The following ADAM9 variants were observed in gnomAD, a reference collection of about 807,000 sequenced individuals.
The protein encoded by ADAM9 is ADAM metallopeptidase domain 9, also known as disintegrin and metalloproteinase domain-containing protein 9.
In ADAM9, 54 loss-of-function variants were observed where a neutral mutation model predicts 108.1. The ratio of observed to expected loss-of-function variants is 0.50; its 90% CI spans 0.40 to 0.63. The LOEUF is 0.63. ADAM9 is among the 20% of genes least tolerant of loss of function. The pLI, the probability that ADAM9 is intolerant of heterozygous loss-of-function variation, is 0.00. For synonymous variants in ADAM9, 316 were observed against 336.0 expected, an observed-to-expected ratio of 0.94 and a Z score of 0.65; for missense variants, 830 against 997.7, an observed-to-expected ratio of 0.83 and a Z score of 2.26.
intron 12 of ADAM9, among the ~76,000 whole-genome samples, chr8:39,045,295 C>CAT (rs1333050486): frequency 1.1e-4 from 11 of 103,154 alleles, no homozygotes; most frequent in Non-Finnish European, 1.8e-4. Context: ...TGTGTGTGTA[C>CAT]ACCTATACAT....
intron 11 of ADAM9, among the ~76,000 whole-genome samples, chr8:39,035,877 A>G (rs1391472536): frequency 2.6e-5 from 4 of 152,256 alleles, no homozygotes; most frequent in Middle Eastern, 3.4e-3. Flanking sequence ...GGATGAGGTT[A>G]TCCTAGGTAA....
chr8:39,095,190 G>A (rs565409002), intron 20 of ADAM9, among the ~76,000 whole-genome samples: 2 of 152,142 alleles, frequency 1.3e-5, no homozygotes, highest in South Asian at 2.1e-4. Flanking sequence ...AGCCCAATCT[G>A]CCTATACTCA....
chr8:39,000,912 A>T (rs10106085), intron 1 of ADAM9, among the ~76,000 whole-genome samples: 56,876 of 152,046 alleles, frequency 0.37, 11,184 homozygotes, highest in African/African-American at 0.51. Flanking sequence ...AAAGAAAATG[A>T]TATCACCCCC....
chr8:39,067,550 G>A (rs1288928578), intron 14 of ADAM9, among the ~76,000 whole-genome samples: 1 of 152,096 alleles, frequency 6.6e-6, no homozygotes, highest in East Asian at 1.9e-4. Context: ...TTGGCTCTCT[G>A]TTATTGGTGT....
Position 39,103,674 on chromosome 8 carries a change from C to T in ADAM9, c.2434C>T (p.Pro812Ser), listed in dbSNP as rs1458697930. ...NLIPARPAPA[P>S]PLYSSLT ...AATTCCTGCCCGTCCTGCTCCTGCA[C>T]CTCCTTTATATAGTTCCCTCACTTG... Residue 812 changes from proline to serine, a missense_variant, in exon 22 of 22, where the codon CCT becomes TCT. Pro to Ser is a moderately conservative substitution (Grantham distance 74). Transcript: ENST00000487273. 1.9e-6 allele frequency: 3 copies of T among 1,614,088 alleles called. No homozygotes were observed. The highest frequency in any genetic ancestry group is 1.3e-5 in the African/African-American group (1 of 75,032).
rs1458371374 is a variant in ADAM9, at chr8:39,077,398, G to A, written c.1868G>A (p.Cys623Tyr). ...DPGMVNEGTK[C>Y]GAGKICRNFQ... ...GGGATGGTTAACGAAGGCACAAAAT[G>A]TGGTGCTGGAAAGGTAATCAAAATA... Residue 623 changes from cysteine (C) to tyrosine (Y), a missense_variant, in exon 16 of 22, where the codon TGT becomes TAT. Physicochemically the swap from Cys to Tyr is radical, Grantham distance 194 (BLOSUM62 -2). Transcript: ENST00000487273. 1.2e-5 allele frequency: 19 copies of A among 1,613,170 alleles called. No homozygotes were observed. Among genetic ancestry groups the A allele is most frequent in the Non-Finnish European group, 1.6e-5 (19 of 1,179,466 alleles).
Position 39,016,136 on chromosome 8 carries a change from G to A in ADAM9, c.352G>A (p.Gly118Ser), listed in dbSNP as rs1836517485. 6.2e-7 allele frequency: 1 copy of A among 1,613,688 alleles called. No homozygotes were observed. ...CATTTAGAATCATTGTCATTATCGG[G>A]GCTATGTGGAGGGAGTTCATAATTC... ...PNIQNHCHYR[G>S]YVEGVHNSSI... is the part of the protein sequence containing the mutation. Residue 118 changes from glycine to serine, a missense_variant, in exon 5 of 22, where the codon GGC (glycine) becomes AGC (serine). By Grantham distance (56) the Gly-to-Ser change is moderately conservative. Coordinates refer to ENST00000487273, the MANE Select transcript of ADAM9 (RefSeq NM_003816.3).
intron 11 of ADAM9, among the ~76,000 whole-genome samples, chr8:39,030,290 A>G (rs573407887): frequency 6.6e-6 from 1 of 152,218 alleles, no homozygotes; most frequent in South Asian, 2.1e-4. Context: ...GCAACCACTA[A>G]TCTTTTTACT....
At chr8:39,083,652 TC>T (rs959068784) in intron 18 of ADAM9, among the ~76,000 whole-genome samples, 7 of 152,208 alleles carry the variant, frequency 4.6e-5, no homozygotes, top group African/African-American at 1.7e-4. Flanking sequence ...AAAGAAAGTT[TC>T]CCCTGGCTGC....
At chr8:39,082,161 C>T (rs1839044518) in intron 16 of ADAM9, among the ~76,000 whole-genome samples, 1 of 151,992 alleles carries the variant, frequency 6.6e-6, no homozygotes, top group Non-Finnish European at 1.5e-5. Flanking sequence ...CAACAAAGTA[C>T]CCTTTTATTT....
At chr8:39,045,678 G>A (rs932070971) in intron 12 of ADAM9, among the ~76,000 whole-genome samples, 2 of 151,910 alleles carry the variant, frequency 1.3e-5, no homozygotes, top group Admixed American at 1.3e-4. Context: ...ATGAGCATAT[G>A]AGTGCAGATA....
Position 39,105,005 on chromosome 8 carries a change from T to A in ADAM9, c.*1305T>A, listed in dbSNP as rs1364820077. On this transcript the variant is annotated 3_prime_UTR_variant, in exon 22 of 22. Transcript: ENST00000487273. ...AAATAAAATACTTGAAATTCTCTTT[T>A]GTGTCTCCTAGTAGCTTCCTACTCA... is the stretch of plus-strand genomic sequence containing the variant. 5 of 429,586 alleles carry A rather than the reference T, an allele frequency of 1.2e-5. No individual in the cohort carries two copies. Among genetic ancestry groups the A allele is most frequent in the African/African-American group, 2.1e-5 (1 of 48,498 alleles). The allele number at this position is 429,586 out of a possible 1,614,324, so 26.6% of individuals were successfully genotyped here.
In ADAM9 at chr8:39,104,069, C is replaced by T; in HGVS notation, c.*369C>T. On this transcript the variant is annotated 3_prime_UTR_variant, in exon 22 of 22. Transcript: ENST00000487273. Reference sequence around the variant, plus strand: ...GTGTTTAAGTGTTATTCTGAATTTTCTACCTTAGTTATCATTAATGTAGTT... The same window carrying T: ...GTGTTTAAGTGTTATTCTGAATTTTTTACCTTAGTTATCATTAATGTAGTT... The T allele has an allele frequency of 2.1e-6, 1 of 467,126 alleles. No homozygotes were observed. Among genetic ancestry groups the T allele is most frequent in the Non-Finnish European group, 4.2e-6 (1 of 235,838 alleles). 28.9% of individuals were successfully genotyped at this position (467,126 alleles called of 1,614,324 possible). A position where few individuals can be genotyped will look rare whatever the true frequency, so the allele number is the denominator to read the frequency against.
intron 5 of ADAM9, among the ~76,000 whole-genome samples, chr8:39,016,559 C>G (rs1836535566): frequency 6.6e-6 from 1 of 152,108 alleles, no homozygotes; most frequent in South Asian, 2.1e-4. Flanking sequence ...CTCATTATCT[C>G]TGTATTTAGG....
Position 39,045,411 on chromosome 8 carries a change from C to CACACACCTATAG in ADAM9, c.1302+3294_1302+3295insACACACCTATAG, listed in dbSNP as rs1564301567. ...GTGTGTGTACACACACCTATATGTG[C>CACACACCTATAG]GCGTGTGTACACACACCTATATGTG... On this transcript the variant is annotated intron_variant, in intron 12 of 21. Coordinates refer to ENST00000487273, the MANE Select transcript of ADAM9 (RefSeq NM_003816.3). Among the ~76,000 whole-genome samples, 4 of 20,740 alleles carry CACACACCTATAG rather than the reference C, an allele frequency of 1.9e-4. 1 individual carries two copies. Among genetic ancestry groups the CACACACCTATAG allele is most frequent in the African/African-American group, 8.7e-4 (4 of 4,612 alleles). 13.6% of individuals were successfully genotyped at this position (20,740 alleles called of 152,430 possible). A position where few individuals can be genotyped will look rare whatever the true frequency, so the allele number is the denominator to read the frequency against.
chr8:39,054,340 A>G, intron 12 of ADAM9, 141 bp from the exon 13 acceptor site: 2 of 725,130 alleles, frequency 2.8e-6, no homozygotes, highest in Admixed American at 2.2e-5. Context: ...AAATCCAGAA[A>G]CAGTAAGCAA....
chr8:39,087,305 T>C (rs1426658934), intron 18 of ADAM9, among the ~76,000 whole-genome samples: 1 of 152,182 alleles, frequency 6.6e-6, no homozygotes, highest in Non-Finnish European at 1.5e-5. Context: ...TCTTGAAAAC[T>C]GTTGTTTCAT....
chr8:39,054,602 G>GAAAAAAAAAAAA lies in ADAM9; in HGVS notation c.1395+38_1395+49dup. 34 of 944,724 alleles carry GAAAAAAAAAAAA rather than the reference G, an allele frequency of 3.6e-5. No homozygotes were observed. In the East Asian group the frequency reaches 3.7e-4, roughly 10 times the overall value. The allele number at this position is 944,724 out of a possible 1,614,324, so 58.5% of individuals were successfully genotyped here. Reference sequence around the variant, plus strand: ...AGGAATTCCTCCCTTTTGGAAACAGGAAAAAAAAAAAAAAAAAAAAGAAAA... The same window carrying GAAAAAAAAAAAA: ...AGGAATTCCTCCCTTTTGGAAACAGGAAAAAAAAAAAAAAAAAAAAAAAAAAAAAAAAGAAAA... On this transcript the variant is annotated intron_variant, in intron 13 of 21. Transcript: ENST00000487273.
chr8:39,028,427 G>T (rs1404216548), intron 11 of ADAM9, among the ~76,000 whole-genome samples: 1 of 152,192 alleles, frequency 6.6e-6, no homozygotes, highest in African/African-American at 2.4e-5. Context: ...TGTAGGAGAG[G>T]GAAGTAAATT....
Sources: gnomAD v4.1 joint callset for allele counts (sites outside exome capture counted in the v4.1 genomes callset) on GRCh38, gnomAD v4.1.1 for gene constraint, MANE v1.5 for transcripts, NCBI Gene and HGNC (gene_info 2026-07-23, HGNC 2026-07-21) for gene names.